ATAD2B: variants seen among roughly 807,000 people sequenced by gnomAD.
ATAD2B encodes ATPase family AAA domain containing 2B.
ATAD2B carries 40 observed loss-of-function variants against 167.6 expected under a neutral mutation model. That is an observed-to-expected ratio of 0.24 (90% confidence interval 0.19 to 0.31). The LOEUF (loss-of-function observed/expected upper bound fraction) is 0.31. Ranked by LOEUF, ATAD2B falls within the 10% of genes least tolerant of loss-of-function variation. The probability of loss-of-function intolerance (pLI) is 1.00; values close to 1 mark genes in which losing one functional copy is unlikely to be tolerated. For synonymous variants in ATAD2B, 579 were observed against 596.5 expected (o/e 0.97, Z 0.43); for missense variants, 1,242 against 1,757.2 (o/e 0.71, Z 5.24).
chr2:23,691,906 G>T, the ATAD2B span: 22 of 1,541,968 alleles, frequency 1.4e-5, no homozygotes, highest in Admixed American at 2.0e-5. Flanking sequence ...ATGTCGCTTG[G>T]GGGGAAGAGT....
chr2:23,915,322 G>A (rs1451821261), intron 1 of ATAD2B, among the ~76,000 whole-genome samples: 1 of 151,616 alleles, frequency 6.6e-6, no homozygotes, highest in African/African-American at 2.4e-5. Context: ...AATTATTTTG[G>A]GACAAGCATA....
chr2:23,845,387 ATAT>A (rs946928148), intron 13 of ATAD2B, among the ~76,000 whole-genome samples: 1 of 152,066 alleles, frequency 6.6e-6, no homozygotes, highest in Non-Finnish European at 1.5e-5. Flanking sequence ...ATACTGACCC[ATAT>A]TATATCATGG....
intron 1 of ATAD2B, among the ~76,000 whole-genome samples, chr2:23,912,707 G>T (rs1204476774): frequency 6.6e-6 from 1 of 152,008 alleles, no homozygotes; most frequent in Admixed American, 6.6e-5. Flanking sequence ...ATCTTAATAT[G>T]GGGCCGGGCA....
chr2:23,871,967 T>C (rs1296509146), intron 8 of ATAD2B, among the ~76,000 whole-genome samples: 2 of 152,146 alleles, frequency 1.3e-5, no homozygotes, highest in African/African-American at 2.4e-5. Flanking sequence ...AACCACTGTC[T>C]CCTGGGTTCA....
the ATAD2B span, among the ~76,000 whole-genome samples, chr2:23,737,799 G>GA: frequency 1.3e-5 from 2 of 151,916 alleles, no homozygotes; most frequent in African/African-American, 4.8e-5. Context: ...AAAAGGCTTT[G>GA]AAAAAAAATT....
rs1325432226 is a variant in ATAD2B at position 23,887,684 on chromosome 2, T to C, written c.572+148A>G. The C allele has an allele frequency of 2.9e-5, 18 of 612,334 alleles. 1 individual carries two copies. The Middle Eastern group carries it at 1.9e-3, about 65-fold the overall frequency. 37.9% of individuals were successfully genotyped at this position (612,334 alleles called of 1,614,324 possible). On this transcript the variant is annotated intron_variant, in intron 4 of 27. Coordinates refer to ENST00000238789, the MANE Select transcript of ATAD2B (RefSeq NM_017552.4). Reference sequence around the variant, plus strand: ...CTCAAAACATCTTCAATTCAAAATGTTGAACTGACCCACCACACCCAGCTT... The same window carrying C: ...CTCAAAACATCTTCAATTCAAAATGCTGAACTGACCCACCACACCCAGCTT...
chr2:23,854,553 C>T (rs1368830215), intron 13 of ATAD2B, among the ~76,000 whole-genome samples: 1 of 151,952 alleles, frequency 6.6e-6, no homozygotes, highest in Non-Finnish European at 1.5e-5. Context: ...TGGCAGGCAC[C>T]TGTAATCCCA....
chr2:23,857,580 A>G (rs921803601), intron 12 of ATAD2B, 77 bp from the exon 13 acceptor site: 150 of 625,806 alleles, frequency 2.4e-4, no homozygotes, highest in Admixed American at 1.1e-3. Context: ...TTAATAGGTA[A>G]TAAAAGCAAA....
chr2:23,754,691 A>G lies in ATAD2B; in HGVS notation c.4162T>C (p.Ser1388Pro), dbSNP rs1199383019. Residue 1388 changes from serine (S) to proline (P), a missense_variant, in exon 26 of 28, where the codon TCT becomes CCT. Ser to Pro is a moderately conservative substitution (Grantham distance 74). Transcript: ENST00000238789. ...TSLELVPEEP[S>P]EPVPPLIVDR... The stretch of plus-strand genomic sequence containing the variant: ...ACTATAAGAGGAGGCACAGGCTCAG[A>G]TGGCTCTTCTGGAACCAGTTCCAGG... The G allele has an allele frequency of 6.2e-7, 1 of 1,613,198 alleles. No individual in the cohort carries two copies. The highest frequency in any genetic ancestry group is 8.5e-7 in the Non-Finnish European group (1 of 1,179,394).
chr2:23,925,112 T>C (rs1038657031), intron 1 of ATAD2B, among the ~76,000 whole-genome samples: 5 of 152,220 alleles, frequency 3.3e-5, no homozygotes, highest in African/African-American at 1.2e-4. Flanking sequence ...AAATATGTGA[T>C]AGCCTCAGTA....
At chr2:23,808,713 TCCA>T (rs1173351409) in intron 18 of ATAD2B, among the ~76,000 whole-genome samples, 1 of 152,176 alleles carries the variant, frequency 6.6e-6, no homozygotes, top group Non-Finnish European at 1.5e-5. Flanking sequence ...GTGTATCCTT[TCCA>T]ATACTTAGAT....
At chr2:23,901,339 C>T (rs1700808574) in intron 1 of ATAD2B, among the ~76,000 whole-genome samples, 1 of 151,240 alleles carries the variant, frequency 6.6e-6, no homozygotes, top group Non-Finnish European at 1.5e-5. Flanking sequence ...CATTCATCTT[C>T]AAGACCTATC....
chr2:23,856,188 CA>C (rs571662550), intron 13 of ATAD2B: 1,522 of 73,532 alleles, frequency 0.021, no homozygotes, highest in South Asian at 0.088. Flanking sequence ...GACTCCATCT[CA>C]AAAAAAAAAA....
At chr2:23,754,049 A>T (rs1303463134) in intron 27 of ATAD2B, 130 bp downstream of exon 27, 5 of 749,932 alleles carry the variant, frequency 6.7e-6, no homozygotes, top group Non-Finnish European at 8.0e-6. Context: ...TTTTTGTCTT[A>T]AATCTTCAAA....
chr2:23,794,252 C>T (rs757194167), intron 19 of ATAD2B, among the ~76,000 whole-genome samples: 9 of 152,240 alleles, frequency 5.9e-5, no homozygotes, highest in Admixed American at 5.9e-4. Flanking sequence ...TCAAGTGATC[C>T]GCTTGCCTCA....
chr2:23,884,241 A>G (rs1349604075), intron 6 of ATAD2B, among the ~76,000 whole-genome samples: 1 of 152,172 alleles, frequency 6.6e-6, no homozygotes, highest in Non-Finnish European at 1.5e-5. Flanking sequence ...TCATGTTCCC[A>G]ACTCTGGCCC....
At chr2:23,783,340 A>G (rs1192487761) in intron 21 of ATAD2B, among the ~76,000 whole-genome samples, 2 of 151,530 alleles carry the variant, frequency 1.3e-5, no homozygotes, top group East Asian at 1.9e-4. Flanking sequence ...TGTATGGGCA[A>G]AAGTTCCCAA....
At chr2:23,921,543 C>T (rs746220695) in intron 1 of ATAD2B, among the ~76,000 whole-genome samples, 1 of 152,140 alleles carries the variant, frequency 6.6e-6, no homozygotes, top group African/African-American at 2.4e-5. Context: ...TAAAAGACTC[C>T]TTGACAGGGA....
chr2:23,686,800 G>A, the ATAD2B span, among the ~76,000 whole-genome samples: 7 of 152,136 alleles, frequency 4.6e-5, no homozygotes, highest in Non-Finnish European at 5.9e-5. Flanking sequence ...GGGGCTGGGG[G>A]GCCTTCAGCA....
Sources: allele counts gnomAD v4.1 joint callset (sites outside exome capture counted in the v4.1 genomes callset), GRCh38; gene constraint gnomAD v4.1.1; transcripts MANE v1.5; gene names NCBI Gene and HGNC (gene_info 2026-07-23, HGNC 2026-07-21).